The following PMFBP1 variants were observed in gnomAD, a reference collection of about 807,000 sequenced individuals.
PMFBP1 encodes polyamine modulated factor 1 binding protein 1.
A neutral mutation model predicts 137.8 loss-of-function variants in PMFBP1; 131 were observed. The ratio of observed to expected loss-of-function variants is 0.95; its 90% CI spans 0.82 to 1.10. The LOEUF is 1.10. Among genes scored for constraint, PMFBP1 ranks in the 50% least tolerant of loss-of-function variants. The pLI is 0.00. For missense variants in PMFBP1, 1,199 were observed against 1,175.4 expected, an observed-to-expected ratio of 1.02 and a Z score of -0.29; for synonymous variants, 490 against 450.4, an observed-to-expected ratio of 1.09 and a Z score of -1.11.
chr16:72,120,228 G>T, intron 19 of PMFBP1, 139 bp from the exon 20 acceptor site: 1 of 1,395,588 alleles, frequency 7.2e-7, no homozygotes, highest in Non-Finnish European at 9.8e-7. Context: ...TGTTACACAT[G>T]CTCTGTAGAA....
chr16:72,223,442 C>T, the PMFBP1 span, among the ~76,000 whole-genome samples: 1 of 152,148 alleles, frequency 6.6e-6, no homozygotes, highest in Non-Finnish European at 1.5e-5. Flanking sequence ...TGCCAATATC[C>T]AAGTGGGTAC....
the PMFBP1 span, among the ~76,000 whole-genome samples, chr16:72,240,905 G>C: frequency 6.6e-6 from 1 of 151,330 alleles, no homozygotes; most frequent in South Asian, 2.1e-4. Context: ...GTTGGGTGGT[G>C]TGTGTGTGAG....
At chr16:72,221,099 A>C in the PMFBP1 span, among the ~76,000 whole-genome samples, 4 of 152,084 alleles carry the variant, frequency 2.6e-5, no homozygotes, top group Non-Finnish European at 5.9e-5. Context: ...TAAAGTCTGA[A>C]AGGTTAAGCA....
chr16:72,125,213 G>C (rs764882841), intron 16 of PMFBP1, 25 bp downstream of exon 16: 2 of 1,606,712 alleles, frequency 1.2e-6, no homozygotes, highest in Non-Finnish European at 1.7e-6. Flanking sequence ...CAGGAAGGCA[G>C]CCCAAGCCCC....
chr16:72,185,428 C>A, the PMFBP1 span, among the ~76,000 whole-genome samples: 3 of 152,154 alleles, frequency 2.0e-5, no homozygotes, highest in African/African-American at 7.2e-5. Context: ...GTCCTTGGAC[C>A]ATTCTGCTTG....
At chr16:72,162,349 T>A (rs2043074606) in intron 3 of PMFBP1, among the ~76,000 whole-genome samples, 1 of 152,242 alleles carries the variant, frequency 6.6e-6, no homozygotes, top group Non-Finnish European at 1.5e-5. Context: ...GTAGTTTTGA[T>A]TTGCAAGGTC....
At chr16:72,147,597 T>C (rs956369933) in intron 5 of PMFBP1, among the ~76,000 whole-genome samples, 1 of 151,820 alleles carries the variant, frequency 6.6e-6, no homozygotes. Context: ...AACCTACGGA[T>C]TGGGAGAAAA....
At chr16:72,123,099 C>CA in intron 18 of PMFBP1, 111 bp from the exon 19 acceptor site, 2 of 936,520 alleles carry the variant, frequency 2.1e-6, no homozygotes, top group South Asian at 3.0e-5. Context: ...TGCTGCATCC[C>CA]ACGTCCCCCA....
rs545464042 is a variant in PMFBP1, at chr16:72,120,002, G to A, written c.2856C>T (p.Asn952=). 3 of 1,614,136 alleles carry A rather than the reference G, an allele frequency of 1.9e-6. No homozygotes were observed. Among genetic ancestry groups the A allele is most frequent in the East Asian group, 2.2e-5 (1 of 44,870 alleles). The stretch of plus-strand genomic sequence containing the variant: ...CTAGGGCTTTGGTGCATAGCCTTGT[G>A]TTCTCGGCTTTCATCTTCTTCTCTT... ...EIEEKKMKAE[N]TRLCTKALGP... is the part of the protein sequence containing the mutation. The change falls in exon 20 of 21, where the codon AAC becomes AAT. Residue 952 remains asparagine, a synonymous_variant. Coordinates refer to ENST00000237353, the MANE Select transcript of PMFBP1 (RefSeq NM_031293.3).
At chr16:72,178,199 G>A (rs2043264967), upstream of PMFBP1, among the ~76,000 whole-genome samples, 1 of 152,082 alleles carries the variant, frequency 6.6e-6, no homozygotes, top group African/African-American at 2.4e-5. Context: ...TATGCATTTT[G>A]GGCAAGTGTG....
chr16:72,203,302 G>A, the PMFBP1 span, among the ~76,000 whole-genome samples: 1 of 152,184 alleles, frequency 6.6e-6, no homozygotes, highest in Admixed American at 6.5e-5. Context: ...AAACACCCTG[G>A]AGCATGTCTG....
the PMFBP1 span, among the ~76,000 whole-genome samples, chr16:72,223,089 T>C: frequency 1.3e-5 from 2 of 152,158 alleles, no homozygotes. Context: ...GGGAGTGGGA[T>C]GCAGCAGGGC....
At chr16:72,192,915 A>AG in the PMFBP1 span, among the ~76,000 whole-genome samples, 1 of 151,896 alleles carries the variant, frequency 6.6e-6, no homozygotes, top group Non-Finnish European at 1.5e-5. Flanking sequence ...AAAAAAAAAA[A>AG]AAGAAGACAT....
chr16:72,183,166 G>C, the PMFBP1 span, among the ~76,000 whole-genome samples: 2 of 152,320 alleles, frequency 1.3e-5, no homozygotes, highest in African/African-American at 4.8e-5. Context: ...TTTATGCCTA[G>C]TTCCTCTATG....
the PMFBP1 span, among the ~76,000 whole-genome samples, chr16:72,229,730 A>G: frequency 6.6e-6 from 1 of 152,208 alleles, no homozygotes; most frequent in South Asian, 2.1e-4. Context: ...GCAGAAAATT[A>G]TAAGACATTT....
At chr16:72,162,517 C>G (rs1240387110) in intron 3 of PMFBP1, among the ~76,000 whole-genome samples, 1 of 152,220 alleles carries the variant, frequency 6.6e-6, no homozygotes, top group African/African-American at 2.4e-5. Flanking sequence ...GTCAGAATTT[C>G]AGAAAGTCTT....
At chr16:72,124,413 C>A (rs2144242657) in intron 17 of PMFBP1, among the ~76,000 whole-genome samples, 1 of 152,326 alleles carries the variant, frequency 6.6e-6, no homozygotes, top group Admixed American at 6.5e-5. Context: ...GGGCCTGGGA[C>A]AAGCCCAGAA....
Position 72,124,834 on chromosome 16 carries a change from T to A in PMFBP1, c.2522A>T (p.Glu841Val), listed in dbSNP as rs781423681. ...NDLKMLAAKEEQLREFQEEMA... is the reference protein window; with the variant it reads ...NDLKMLAAKEVQLREFQEEMA... ...CTCCTCCTGGAACTCCCTGAGCTGC[T>A]CCTCTTTGGCTGCCAGCATCTTGAG... Residue 841 changes from glutamate to valine, a missense_variant, in exon 17 of 21, where the codon GAG (glutamate) becomes GTG (valine). Physicochemically the swap from Glu to Val is moderately radical, Grantham distance 121. Coordinates refer to ENST00000237353, the MANE Select transcript of PMFBP1 (RefSeq NM_031293.3). 5 of 1,614,214 alleles carry A rather than the reference T, an allele frequency of 3.1e-6. No homozygotes were observed. Among genetic ancestry groups the A allele is most frequent in the Non-Finnish European group, 2.5e-6 (3 of 1,180,030 alleles).
chr16:72,207,710 ATGTGTGTG>A, the PMFBP1 span, among the ~76,000 whole-genome samples: 10 of 143,920 alleles, frequency 6.9e-5, no homozygotes, highest in East Asian at 4.1e-4. Context: ...CCAGTAGGGC[ATGTGTGTG>A]TGTGTGTGTG....
Sources: allele counts gnomAD v4.1 joint callset (sites outside exome capture counted in the v4.1 genomes callset), GRCh38; gene constraint gnomAD v4.1.1; transcripts MANE v1.5; gene names NCBI Gene and HGNC (gene_info 2026-07-23, HGNC 2026-07-21).